APP: variants seen among roughly 807,000 people sequenced by gnomAD.
The protein encoded by APP is amyloid-beta precursor protein.
APP carries 31 observed loss-of-function variants against 101.4 expected under a neutral mutation model. That is an observed-to-expected ratio of 0.31 (90% CI 0.23 to 0.41). The LOEUF (loss-of-function observed/expected upper bound fraction) is 0.41. APP is among the 10% of genes least tolerant of loss of function. APP has a pLI of 1.00. For missense variants in APP, 839 were observed against 1,003.7 expected, an observed-to-expected ratio of 0.84 and a Z score of 2.22; for synonymous variants, 366 against 364.4, an observed-to-expected ratio of 1.00 and a Z score of -0.05.
chr21:25,885,058 A>G (rs1326688486), intron 17 of APP, among the ~76,000 whole-genome samples: 16 of 152,206 alleles, frequency 1.1e-4, no homozygotes, highest in Admixed American at 1.0e-3. Flanking sequence ...GGACAGCTAC[A>G]TTTTGCCATT....
chr21:25,920,565 A>T (rs1399614588), intron 13 of APP, among the ~76,000 whole-genome samples: 2 of 151,928 alleles, frequency 1.3e-5, no homozygotes, highest in Non-Finnish European at 2.9e-5. Flanking sequence ...AAAAAAAGGC[A>T]GGGGTTGCAA....
intron 8 of APP, among the ~76,000 whole-genome samples, chr21:25,991,062 T>A (rs994488652): frequency 2.6e-5 from 4 of 152,148 alleles, no homozygotes; most frequent in African/African-American, 9.7e-5. Context: ...AGTGAAGTAA[T>A]CAGGAATGGA....
At chr21:25,959,693 C>T (rs1350679666) in intron 11 of APP, among the ~76,000 whole-genome samples, 10 of 152,092 alleles carry the variant, frequency 6.6e-5, no homozygotes, top group Non-Finnish European at 1.5e-5. Context: ...AATTATTAAG[C>T]TAATGTGTGG....
At chr21:25,958,556 C>CAT (rs1050942044) in intron 11 of APP, among the ~76,000 whole-genome samples, 34 of 378 alleles carry the variant, frequency 0.09, no homozygotes, top group South Asian at 0.36. Context: ...GGATTACAGG[C>CAT]GTGCGACCAG....
chr21:25,941,369 T>A (rs1241310609), intron 13 of APP: 1 of 152,236 alleles, frequency 6.6e-6, no homozygotes, highest in East Asian at 1.9e-4. Context: ...AAGTCTGTGA[T>A]CAAGAAGAAT....
intron 5 of APP, among the ~76,000 whole-genome samples, chr21:26,039,529 A>C (rs2045278647): frequency 6.6e-6 from 1 of 152,244 alleles, no homozygotes; most frequent in Non-Finnish European, 1.5e-5. Context: ...ATATCAAACT[A>C]TACTTTTGAA....
chr21:25,975,338 G>A, intron 10 of APP, 110 bp from the exon 11 acceptor site: 1 of 1,397,230 alleles, frequency 7.2e-7, no homozygotes, highest in East Asian at 2.3e-5. Context: ...GTGCTAAAAA[G>A]TATCCTAAAG....
intron 5 of APP, among the ~76,000 whole-genome samples, chr21:26,043,997 A>T (rs2045494324): frequency 6.6e-6 from 1 of 152,224 alleles, no homozygotes; most frequent in African/African-American, 2.4e-5. Flanking sequence ...GAATTATTTC[A>T]TCATTAGCCA....
chr21:26,046,524 T>TA (rs981986751), intron 5 of APP, among the ~76,000 whole-genome samples: 28 of 147,952 alleles, frequency 1.9e-4, no homozygotes, highest in East Asian at 5.9e-4. Context: ...AGCAGCTCTT[T>TA]AAAAAAAAAA....
At chr21:25,984,997 A>G (rs2146611918) in intron 8 of APP, among the ~76,000 whole-genome samples, 1 of 152,292 alleles carries the variant, frequency 6.6e-6, no homozygotes, top group East Asian at 1.9e-4. Flanking sequence ...TTCAGCTCCT[A>G]TGGTTTGCGA....
At chr21:25,956,910 T>G (rs1463026030) in intron 11 of APP, among the ~76,000 whole-genome samples, 2 of 152,162 alleles carry the variant, frequency 1.3e-5, no homozygotes, top group Non-Finnish European at 1.5e-5. Context: ...ACCTAACTCA[T>G]TAAATTATCT....
At chr21:25,959,138 A>G (rs1340066759) in intron 11 of APP, among the ~76,000 whole-genome samples, 1 of 152,200 alleles carries the variant, frequency 6.6e-6, no homozygotes, top group Admixed American at 6.5e-5. Flanking sequence ...AAAGCAACTT[A>G]CGAAGTTAAA....
chr21:26,065,050 T>C (rs1229137300), intron 3 of APP, among the ~76,000 whole-genome samples: 1 of 152,112 alleles, frequency 6.6e-6, no homozygotes, highest in Non-Finnish European at 1.5e-5. Context: ...GACGGGGTTT[T>C]GCCACATTGG....
chr21:25,980,522 C>T (rs1364872713), intron 9 of APP, among the ~76,000 whole-genome samples: 1 of 152,128 alleles, frequency 6.6e-6, no homozygotes, highest in East Asian at 1.9e-4. Context: ...GTTCAATTAG[C>T]TGTTAGGTTT....
chr21:25,974,679 G>C lies in APP; in HGVS notation c.1458+391C>G, dbSNP rs539782788. On this transcript the variant is annotated intron_variant, in intron 11 of 17. Coordinates refer to ENST00000346798, the MANE Select transcript of APP (RefSeq NM_000484.4). ...AGAAATAAACTTCTGTTGCTGATAA[G>C]GTACCCAGTCTATGGTATTCTGTTA... Among the ~76,000 whole-genome samples the C allele has an allele frequency of 2.8e-3, 425 of 152,288 alleles. 2 individuals are homozygous for C. The highest frequency in any genetic ancestry group is 9.8e-3 in the African/African-American group (406 of 41,568).
intron 13 of APP, 60 bp from the exon 14 acceptor site, chr21:25,912,022 A>G (rs1236331770): frequency 7.5e-7 from 1 of 1,328,928 alleles, no homozygotes; most frequent in Non-Finnish European, 1.1e-6. Context: ...CAGCAGCAGC[A>G]GCAGCCACCA....
intron 14 of APP, among the ~76,000 whole-genome samples, chr21:25,907,475 T>C (rs1179269198): frequency 1.3e-5 from 2 of 152,244 alleles, no homozygotes; most frequent in African/African-American, 2.4e-5. Flanking sequence ...AGACAGTAAC[T>C]TCATCAATGA....
intron 6 of APP, among the ~76,000 whole-genome samples, chr21:26,014,204 C>G (rs943399414): frequency 1.3e-5 from 2 of 152,286 alleles, no homozygotes; most frequent in South Asian, 4.1e-4. Context: ...AGTTCATGTT[C>G]GGGTTCACAG....
chr21:25,938,547 T>C (rs1003619634), intron 13 of APP, among the ~76,000 whole-genome samples: 9 of 152,186 alleles, frequency 5.9e-5, no homozygotes, highest in Admixed American at 4.6e-4. Flanking sequence ...AACCTCTGAA[T>C]GTTTAAAGGA....
Sources: allele counts gnomAD v4.1 joint callset (sites outside exome capture counted in the v4.1 genomes callset), GRCh38; gene constraint gnomAD v4.1.1; transcripts MANE v1.5; gene names NCBI Gene and HGNC (gene_info 2026-07-23, HGNC 2026-07-21).